MAST2: variants seen among roughly 807,000 people sequenced by gnomAD.
The protein encoded by MAST2 is microtubule-associated serine/threonine-protein kinase 2.
MAST2 carries 70 observed loss-of-function variants against 147.4 expected under a neutral mutation model. That is an observed-to-expected ratio of 0.47 (90% CI 0.39 to 0.58). The LOEUF is 0.58. Among genes scored for constraint, MAST2 ranks in the 20% least tolerant of loss-of-function variants. MAST2 has a pLI of 0.00. For missense variants in MAST2, 2,080 were observed against 2,302.3 expected (o/e 0.90, Z 1.98); for synonymous variants, 869 against 896.8 (o/e 0.97, Z 0.55).
rs563146096 is a variant in MAST2, at chr1:45,919,980, A to T, written c.500+37585A>T. ...ATTCTTGAGAATCTGGGATGCAGTT[A>T]TTTAGAAATTGTTTGATCCTTTGAA... On this transcript the variant is annotated intron_variant, in intron 4 of 28. Coordinates refer to ENST00000361297, the MANE Select transcript of MAST2 (RefSeq NM_015112.3). Among the ~76,000 whole-genome samples the T allele has an allele frequency of 3.3e-5, 5 of 152,196 alleles. No homozygotes were observed. The East Asian group carries it at 9.6e-4, about 29-fold the overall frequency.
intron 3 of MAST2, among the ~76,000 whole-genome samples, chr1:45,833,879 T>C (rs546898259): frequency 1.4e-4 from 21 of 152,222 alleles, no homozygotes; most frequent in East Asian, 1.3e-3. Flanking sequence ...CTTTTTTTTT[T>C]TCCTGAGCTA....
chr1:45,944,733 T>G (rs556229294), intron 4 of MAST2, among the ~76,000 whole-genome samples: 1 of 152,314 alleles, frequency 6.6e-6, no homozygotes, highest in South Asian at 2.1e-4. Flanking sequence ...CTAGTCCCCT[T>G]GCATATTTAT....
At chr1:46,013,409 G>A (rs1645795529) in intron 10 of MAST2, among the ~76,000 whole-genome samples, 1 of 152,054 alleles carries the variant, frequency 6.6e-6, no homozygotes, top group Non-Finnish European at 1.5e-5. Context: ...GGCCAGGTGC[G>A]GTGGCTCACT....
chr1:45,848,415 G>T (rs189338657), intron 3 of MAST2, among the ~76,000 whole-genome samples: 2 of 152,352 alleles, frequency 1.3e-5, no homozygotes, highest in East Asian at 3.9e-4. Context: ...GAGGGTGCCT[G>T]TGTGAGCAGC....
chr1:46,018,461 A>T (rs1306571850), intron 10 of MAST2, among the ~76,000 whole-genome samples: 1 of 152,036 alleles, frequency 6.6e-6, no homozygotes, highest in East Asian at 1.9e-4. Context: ...GGGAAACATT[A>T]TAAGAGTAAA....
At chr1:45,984,203 T>C (rs1028052483) in intron 5 of MAST2, among the ~76,000 whole-genome samples, 1 of 152,196 alleles carries the variant, frequency 6.6e-6, no homozygotes, top group Non-Finnish European at 1.5e-5. Flanking sequence ...TTGGAGGGAA[T>C]TGAAAAACAA....
At chr1:45,951,673 A>G (rs796545014) in intron 4 of MAST2, among the ~76,000 whole-genome samples, 71 of 152,352 alleles carry the variant, frequency 4.7e-4, no homozygotes, top group African/African-American at 1.6e-3. Flanking sequence ...TTAGAATTCG[A>G]GGAATAAAAT....
chr1:45,809,061 G>A (rs1209418346), intron 1 of MAST2, among the ~76,000 whole-genome samples: 2 of 152,152 alleles, frequency 1.3e-5, no homozygotes, highest in Non-Finnish European at 2.9e-5. Flanking sequence ...GCTTAGTATA[G>A]TACTTGAAAC....
At chr1:45,930,354 C>T (rs1363202840) in intron 4 of MAST2, among the ~76,000 whole-genome samples, 1 of 152,108 alleles carries the variant, frequency 6.6e-6, no homozygotes, top group South Asian at 2.1e-4. Context: ...GCTGGGATTA[C>T]AGATGTGAGC....
chr1:46,003,412 C>G (rs138109496), intron 7 of MAST2, among the ~76,000 whole-genome samples: 1,841 of 152,204 alleles, frequency 0.012, 29 homozygotes, highest in African/African-American at 0.039. Context: ...ATGTTTTAGC[C>G]TAAAACACAA....
rs1049384431 is a variant in MAST2 at position 46,032,649 on chromosome 1, C to G, written c.3468C>G (p.Leu1156=). The change falls in exon 26 of 29, where the codon CTC becomes CTG. Residue 1156 remains leucine, a synonymous_variant. Transcript: ENST00000361297. ...AGGCAGGGCTTCGTCAAGGTGACCTCATCACCCATGTCAATGGGGAACCTG... is the reference window on the plus strand; with the variant it reads ...AGGCAGGGCTTCGTCAAGGTGACCTGATCACCCATGTCAATGGGGAACCTG... The part of the protein sequence containing the change: ...ASEAGLRQGD[L]ITHVNGEPVH... 6.2e-7 allele frequency: 1 copy of G among 1,614,102 alleles called. No homozygotes were observed. The highest frequency in any genetic ancestry group is 1.7e-5 in the Admixed American group (1 of 60,008).
chr1:45,997,300 G>A (rs188817210), intron 5 of MAST2, among the ~76,000 whole-genome samples: 74 of 152,308 alleles, frequency 4.9e-4, no homozygotes, highest in African/African-American at 1.8e-3. Flanking sequence ...CTTGGATACA[G>A]TGCGCAGAGA....
intron 28 of MAST2, 61 bp downstream of exon 28, chr1:46,034,327 C>T: frequency 1.3e-6 from 2 of 1,514,844 alleles, no homozygotes; most frequent in South Asian, 1.3e-5. Context: ...TTCCTAGGCC[C>T]TGTGTGCTTC....
At chr1:45,828,375 A>G (rs186344462) in intron 2 of MAST2, among the ~76,000 whole-genome samples, 1 of 152,360 alleles carries the variant, frequency 6.6e-6, no homozygotes, top group Admixed American at 6.5e-5. Context: ...AGTGCAGGGC[A>G]TAATATTGAA....
At chr1:45,889,681 C>T (rs1647375832) in intron 4 of MAST2, among the ~76,000 whole-genome samples, 1 of 151,954 alleles carries the variant, frequency 6.6e-6, no homozygotes, top group Admixed American at 6.6e-5. Context: ...TCTTGGCTCA[C>T]TGCAACCTCC....
intron 5 of MAST2, among the ~76,000 whole-genome samples, chr1:45,963,404 GTTT>G (rs1485623589): frequency 6.6e-6 from 1 of 152,188 alleles, no homozygotes; most frequent in Admixed American, 6.5e-5. Context: ...AGCATGGAAT[GTTT>G]TTCCATTTGT....
rs750567620 is a variant in MAST2, at chr1:46,031,081, G to A, written c.2783G>A (p.Arg928His). The change falls in exon 23 of 29, where the codon CGC becomes CAC. Residue 928 changes from arginine to histidine, a missense_variant. Physicochemically the swap from Arg to His is conservative, Grantham distance 29. Coordinates refer to ENST00000361297, the MANE Select transcript of MAST2 (RefSeq NM_015112.3). The surrounding 1 kb of genome is among the most constrained non-coding windows in gnomAD (Gnocchi z 4.1). ...TCAAGCCCTCCAATGACAGTGCGACGCCGCTGCTCAGGCCTCCTGGATGCG... is the reference window on the plus strand; with the variant it reads ...TCAAGCCCTCCAATGACAGTGCGACACCGCTGCTCAGGCCTCCTGGATGCG... ...SDSSPPMTVR[R>H]RCSGLLDAPR... 104 of 1,613,332 alleles carry A rather than the reference G, an allele frequency of 6.4e-5. 1 individual carries two copies. In the East Asian group the frequency reaches 1.4e-3, roughly 22 times the overall value.
chr1:46,019,445 A>ACAGC (rs1416406966), intron 10 of MAST2, 151 bp from the exon 11 acceptor site: 8 of 616,108 alleles, frequency 1.3e-5, no homozygotes, highest in African/African-American at 3.7e-5. Flanking sequence ...GCTCCCTCTC[A>ACAGC]CAGCCAGCCA....
chr1:45,977,836 A>G (rs1056555791), intron 5 of MAST2, among the ~76,000 whole-genome samples: 1 of 151,716 alleles, frequency 6.6e-6, no homozygotes, highest in Non-Finnish European at 1.5e-5. Flanking sequence ...ATCAAAAGAT[A>G]CTATGAAAAG....
Sources: gnomAD v4.1 joint callset for allele counts (sites outside exome capture counted in the v4.1 genomes callset) on GRCh38, gnomAD v4.1.1 for gene constraint, Gnocchi (gnomAD v3.1) non-coding constraint, MANE v1.5 for transcripts, NCBI Gene and HGNC (gene_info 2026-07-23, HGNC 2026-07-21) for gene names.